DMKN: variants seen among roughly 807,000 people sequenced by gnomAD.
DMKN encodes dermokine.
In DMKN, 58 loss-of-function variants were observed where a neutral mutation model predicts 67.6. The ratio of observed to expected loss-of-function variants is 0.86; its 90% confidence interval spans 0.69 to 1.07. The LOEUF (loss-of-function observed/expected upper bound fraction) is 1.07, where lower values mean the gene tolerates loss of function less well. Among genes scored for constraint, DMKN ranks in the 50% least tolerant of loss-of-function variants. The pLI is 0.00. For synonymous variants in DMKN, 240 were observed against 232.3 expected, an observed-to-expected ratio of 1.03 and a Z score of -0.30; for missense variants, 596 against 601.5, an observed-to-expected ratio of 0.99 and a Z score of 0.10.
intron 7 of DMKN, chr19:35,508,292 C>A (rs983010792): frequency 1.9e-6 from 3 of 1,546,370 alleles, no homozygotes; most frequent in Non-Finnish European, 2.6e-6. Context: ...CCTGAGGCCA[C>A]CCCCGAAAAT....
intron 7 of DMKN, chr19:35,507,627 G>T: frequency 1.2e-6 from 1 of 860,396 alleles, no homozygotes; most frequent in South Asian, 1.5e-5. Context: ...TGAGACATGA[G>T]CATGACAGAG....
chr19:35,503,062 G>A (rs910036597), intron 9 of DMKN, among the ~76,000 whole-genome samples, 176 bp from the exon 10 acceptor site: 7 of 152,182 alleles, frequency 4.6e-5, no homozygotes, highest in African/African-American at 1.7e-4. Flanking sequence ...CACAGGGAGA[G>A]AGAGAGGCAC....
chr19:35,506,037 A>G (rs1468058445), intron 7 of DMKN, 51 bp from the exon 8 acceptor site: 1 of 1,613,660 alleles, frequency 6.2e-7, no homozygotes, highest in African/African-American at 1.3e-5. Context: ...TTTGTGAGCC[A>G]GAGTCGGGAG....
chr19:35,511,965 TC>T, intron 3 of DMKN, 152 bp from the exon 4 acceptor site: 2 of 610,450 alleles, frequency 3.3e-6, no homozygotes, highest in Non-Finnish European at 2.6e-6. Flanking sequence ...ATCTGCCTCC[TC>T]CCCAGGCCCA....
Position 35,510,212 on chromosome 19 carries a change from C to G in DMKN, c.959G>C (p.Ser320Thr), listed in dbSNP as rs1356527427. The G allele has an allele frequency of 2.5e-6, 4 of 1,609,206 alleles. No individual in the cohort carries two copies. The highest frequency in any genetic ancestry group is 1.7e-5 in the Admixed American group (1 of 59,482). The stretch of plus-strand genomic sequence containing the variant: ...GGGTTTATGTCCATTTCCTCCGCCG[C>G]TCCCACCGTGGTTGCCGGAGGAGGA... Reference protein sequence around the residue: ...TGSSSGNHGGSGGGNGHKPGC... With the variant: ...TGSSSGNHGGTGGGNGHKPGC... Residue 320 changes from serine (S) to threonine (T), a missense_variant, in exon 6 of 16, where the codon AGC (serine) becomes ACC (threonine). By Grantham distance (58) the Ser-to-Thr change is moderately conservative. Coordinates refer to ENST00000339686, the MANE Select transcript of DMKN (RefSeq NM_033317.5).
At chr19:35,500,477 AG>A (rs1428309457) in intron 12 of DMKN, 55 bp downstream of exon 12, 1 of 1,585,814 alleles carries the variant, frequency 6.3e-7, no homozygotes, top group African/African-American at 1.3e-5. Context: ...CAGACCCGGG[AG>A]CAAGGCCAAG....
At chr19:35,510,062 T>G (rs1470182602) in intron 6 of DMKN, 101 bp from the exon 7 acceptor site, 1 of 1,577,256 alleles carries the variant, frequency 6.3e-7, no homozygotes. Flanking sequence ...CCGCTTCCGC[T>G]CCACCTCCGC....
At chr19:35,501,205 C>T (rs896991399) in intron 11 of DMKN, among the ~76,000 whole-genome samples, 2 of 152,142 alleles carry the variant, frequency 1.3e-5, no homozygotes, top group East Asian at 3.8e-4. Flanking sequence ...TTGGACCGTC[C>T]GCCCTGCCAC....
At position 35,511,993 on chromosome 19, in the gene DMKN, C is replaced by CTTT. The variant is rs11285451; in HGVS notation, c.685-183_685-181dup. 8.2e-4 allele frequency among the ~76,000 whole-genome samples: 93 copies of CTTT among 113,038 alleles called. 1 individual carries two copies. The highest frequency in any genetic ancestry group is 1.2e-3 in the Non-Finnish European group (68 of 58,598). The allele number at this position is 113,038 out of a possible 152,430, so 74.2% of individuals were successfully genotyped here. On this transcript the variant is annotated intron_variant, in intron 3 of 15. Transcript: ENST00000339686. ...CCAGGCCCAGGCCCGTCTCTTCCTC[C>CTTT]TTTTTTTTTTTTTTTTTTTTTTGAG...
chr19:35,501,761 G>A, intron 11 of DMKN: 6 of 1,485,586 alleles, frequency 4.0e-6, no homozygotes, highest in Non-Finnish European at 5.4e-6. Context: ...CCATGCCGCA[G>A]CCTAGGCCCC....
chr19:35,511,441 G>C lies in DMKN; in HGVS notation c.888C>G (p.Ser296Arg). Residue 296 changes from serine to arginine, a missense_variant, in exon 5 of 16, where the codon AGC becomes AGG. Coordinates refer to ENST00000339686, the MANE Select transcript of DMKN (RefSeq NM_033317.5). ...SGGSSGNSGG[S>R]RGDSGSESSW... The stretch of plus-strand genomic sequence containing the variant: ...AGGACTCACTGCCGCTGTCACCTCT[G>C]CTGCCACCACTGTTGCCACTGCTGC... 6.3e-7 allele frequency: 1 copy of C among 1,589,600 alleles called. No individual in the cohort carries two copies. Among genetic ancestry groups the C allele is most frequent in the Middle Eastern group, 2.3e-4 (1 of 4,406 alleles).
chr19:35,502,209 G>T, intron 10 of DMKN, 26 bp from the exon 11 acceptor site: 1 of 1,613,996 alleles, frequency 6.2e-7, no homozygotes, highest in Non-Finnish European at 8.5e-7. Flanking sequence ...GGGCAGAGTG[G>T]GCCGGGGAGG....
At chr19:35,500,294 A>C in intron 12 of DMKN, 1 of 1,505,500 alleles carries the variant, frequency 6.6e-7, no homozygotes, top group Non-Finnish European at 9.0e-7. Flanking sequence ...CCAACTCTTC[A>C]AGTGTTACTT....
At chr19:35,499,884 C>A in intron 13 of DMKN, 74 bp downstream of exon 13, 1 of 1,542,424 alleles carries the variant, frequency 6.5e-7, no homozygotes. Flanking sequence ...GAGAGGACCC[C>A]GGCAGTGAAA....
intron 3 of DMKN, 35 bp downstream of exon 3, chr19:35,512,386 G>GGCTT: frequency 6.2e-7 from 1 of 1,611,216 alleles, no homozygotes; most frequent in Non-Finnish European, 8.5e-7. Context: ...TGCACCCAGT[G>GGCTT]GCTTCTTCAT....
chr19:35,511,683 C>T lies in DMKN; in HGVS notation c.735+80G>A, dbSNP rs530412493. The T allele has an allele frequency of 5.0e-6, 8 of 1,591,972 alleles. No homozygotes were observed. In the African/African-American group the frequency reaches 8.0e-5, roughly 16 times the overall value. ...CTCCCTCTCCACCCAGGCCATATTC[C>T]ATGATGCCCAGTCTAAGGGGAGCAG... On this transcript the variant is annotated intron_variant, in intron 4 of 15. Coordinates refer to ENST00000339686, the MANE Select transcript of DMKN (RefSeq NM_033317.5).
At chr19:35,501,754 T>C (rs1159934949) in intron 11 of DMKN, 1 of 1,455,706 alleles carries the variant, frequency 6.9e-7, no homozygotes, top group Non-Finnish European at 9.2e-7. Context: ...GTCCTCCCCA[T>C]GCCGCAGCCT....
intron 9 of DMKN, chr19:35,503,358 G>A: frequency 1.9e-6 from 3 of 1,548,254 alleles, no homozygotes; most frequent in South Asian, 2.4e-5. Flanking sequence ...GTGATGAGAG[G>A]GTGGTGTTTT....
At chr19:35,510,491 C>A in intron 5 of DMKN, 1 of 1,550,360 alleles carries the variant, frequency 6.5e-7, no homozygotes, top group Non-Finnish European at 8.7e-7. Flanking sequence ...ACCTGAGCTG[C>A]TGCCCACCGC....
Sources: allele counts gnomAD v4.1 joint callset (sites outside exome capture counted in the v4.1 genomes callset), GRCh38; gene constraint gnomAD v4.1.1; transcripts MANE v1.5; gene names NCBI Gene and HGNC (gene_info 2026-07-23, HGNC 2026-07-21).